The following APC variants were observed in gnomAD, a reference collection of about 807,000 sequenced individuals.
The protein encoded by APC is APC regulator of Wnt signaling pathway.
In APC, 72 loss-of-function variants were observed where a neutral mutation model predicts 247.0. The ratio of observed to expected loss-of-function variants is 0.29; its 90% CI spans 0.24 to 0.35. The LOEUF is 0.35. Ranked by LOEUF, APC falls within the 10% of genes least tolerant of loss-of-function variation. The probability of loss-of-function intolerance (pLI) is 1.00; values close to 1 mark genes in which losing one functional copy is unlikely to be tolerated. For synonymous variants in APC, 1,254 were observed against 1,162.5 expected (o/e 1.08, Z -1.60); for missense variants, 3,400 against 3,360.7 (o/e 1.01, Z -0.29).
At chr5:112,799,611 A>C (rs961781279) in intron 7 of APC, among the ~76,000 whole-genome samples, 1 of 152,196 alleles carries the variant, frequency 6.6e-6, no homozygotes, top group Non-Finnish European at 1.5e-5. Flanking sequence ...TTGCAACTTT[A>C]TCCATTAATA....
chr5:112,774,262 C>T (rs1260293810), intron 4 of APC, among the ~76,000 whole-genome samples: 2 of 152,034 alleles, frequency 1.3e-5, no homozygotes, highest in Non-Finnish European at 2.9e-5. Context: ...CATCCCAAAT[C>T]TGGAAATAGA....
At chr5:112,733,756 T>C (rs1752215586), upstream of APC, among the ~76,000 whole-genome samples, 1 of 152,172 alleles carries the variant, frequency 6.6e-6, no homozygotes, top group African/African-American at 2.4e-5. Flanking sequence ...TTAATACGCC[T>C]AGGAACTATT....
intron 8 of APC, among the ~76,000 whole-genome samples, chr5:112,809,019 G>A (rs1761708925): frequency 6.6e-6 from 1 of 152,098 alleles, no homozygotes; most frequent in African/African-American, 2.4e-5. Flanking sequence ...TTGGAAAAAT[G>A]TTAAGTTTAA....
chr5:112,734,790 TGTG>T (rs796632349), upstream of APC, among the ~76,000 whole-genome samples: 8 of 116,222 alleles, frequency 6.9e-5, no homozygotes, highest in South Asian at 1.3e-3. Flanking sequence ...TGTGTGTGTG[TGTG>T]TTTTTTTTTT....
chr5:112,737,782 C>T, upstream of APC: 1 of 931,330 alleles, frequency 1.1e-6, no homozygotes, highest in Non-Finnish European at 1.3e-6. Context: ...CCGCTGGATG[C>T]GGACCAGGGC....
chr5:112,750,456 T>C (rs1020633717), intron 1 of APC, among the ~76,000 whole-genome samples: 1 of 147,378 alleles, frequency 6.8e-6, no homozygotes, highest in Non-Finnish European at 1.5e-5. Flanking sequence ...ATGAGCATTC[T>C]TTTTTTTTTT....
rs74639338 is a variant in APC, at chr5:112,774,963, G to A, written c.423-666G>A. Among the ~76,000 whole-genome samples the A allele has an allele frequency of 0.027, 4,048 of 152,246 alleles. 143 individuals carry two copies. Among genetic ancestry groups the A allele is most frequent in the East Asian group, 0.13 (683 of 5,172 alleles). ...GCTCTGGCAAAGAGCCACGTGAAAA[G>A]AGATAAATTATATACTTTTTGTACC... On this transcript the variant is annotated intron_variant, in intron 4 of 15. Transcript: ENST00000257430.
intron 1 of APC, among the ~76,000 whole-genome samples, chr5:112,749,925 A>T (rs1459347289): frequency 2.6e-4 from 37 of 143,456 alleles, no homozygotes; most frequent in African/African-American, 8.3e-4. Flanking sequence ...TTTTTTTTTT[A>T]AATCCAACTT....
intron 6 of APC, among the ~76,000 whole-genome samples, chr5:112,782,110 A>G (rs938235675): frequency 6.6e-6 from 1 of 152,240 alleles, no homozygotes; most frequent in African/African-American, 2.4e-5. Context: ...GGGACTTAAC[A>G]GTTCTACGTG....
At chr5:112,777,011 A>C (rs1374134495) in intron 5 of APC, among the ~76,000 whole-genome samples, 1 of 152,214 alleles carries the variant, frequency 6.6e-6, no homozygotes, top group Non-Finnish European at 1.5e-5. Context: ...GAAATTTTGC[A>C]AACCATTGCA....
chr5:112,831,542 TCTC>T (rs1414181472), intron 14 of APC, among the ~76,000 whole-genome samples: 1 of 152,204 alleles, frequency 6.6e-6, no homozygotes, highest in East Asian at 1.9e-4. Context: ...ACATTCTTCT[TCTC>T]TTTTTCATTC....
In APC at chr5:112,842,265, T is replaced by C. The variant is rs1766272028; in HGVS notation, c.6671T>C (p.Ile2224Thr). The part of the protein sequence containing the change: ...KQPLQANMPS[I>T]SRGRTMIHIP... ...CCCCTTCAAGCAAACATGCCTTCAA[T>C]CTCTCGAGGCAGGACAATGATTCAT... is the stretch of plus-strand genomic sequence containing the variant. The change falls in exon 16 of 16, where the codon ATC (isoleucine) becomes ACC (threonine). Residue 2224 changes from isoleucine to threonine, a missense_variant. Ile to Thr is a moderately conservative substitution (Grantham distance 89, BLOSUM62 -1). Around this residue, in one of 9 missense-constraint regions of APC, gnomAD observed 1,788 missense variants for 1,649.5 expected, o/e 1.08. Transcript: ENST00000257430. The C allele has an allele frequency of 1.2e-6, 2 of 1,613,986 alleles. No individual in the cohort carries two copies. The highest frequency in any genetic ancestry group is 1.7e-6 in the Non-Finnish European group (2 of 1,179,912).
At chr5:112,781,611 A>G (rs1038613914) in intron 6 of APC, among the ~76,000 whole-genome samples, 7 of 152,204 alleles carry the variant, frequency 4.6e-5, no homozygotes, top group African/African-American at 1.7e-4. Context: ...ATAGCAAATA[A>G]AAGCAGAGAC....
At chr5:112,766,777 G>C (rs937155039) in intron 3 of APC, among the ~76,000 whole-genome samples, 2 of 152,134 alleles carry the variant, frequency 1.3e-5, no homozygotes, top group African/African-American at 4.8e-5. Context: ...CTTCATTCAG[G>C]ATAGAAATAC....
chr5:112,840,123 G>A lies in APC; in HGVS notation c.4529G>A (p.Ser1510Asn), dbSNP rs1765702795. The A allele has an allele frequency of 6.2e-7, 1 of 1,613,956 alleles. No homozygotes were observed. Among genetic ancestry groups the A allele is most frequent in the African/African-American group, 1.3e-5 (1 of 74,890 alleles). ...TGTTCATCCAGCCTGAGTGCTCTGA[G>A]CCTCGATGAGCCATTTATACAGAAA... Reference protein sequence around the residue: ...FSCSSSLSALSLDEPFIQKDV... With the variant: ...FSCSSSLSALNLDEPFIQKDV... Residue 1510 changes from serine to asparagine, a missense_variant, in exon 16 of 16, where the codon AGC (serine) becomes AAC (asparagine). By Grantham distance (46) the Ser-to-Asn change is conservative. Transcript: ENST00000257430. The surrounding 1 kb of genome is among the most constrained non-coding windows in gnomAD (Gnocchi z 4.1).
chr5:112,742,429 G>A (rs1433226074), intron 1 of APC, among the ~76,000 whole-genome samples: 2 of 152,214 alleles, frequency 1.3e-5, no homozygotes, highest in African/African-American at 4.8e-5. Context: ...TGTGGGGCAA[G>A]AATTCAGGAA....
At chr5:112,777,370 C>T (rs1445374346) in intron 5 of APC, among the ~76,000 whole-genome samples, 1 of 152,010 alleles carries the variant, frequency 6.6e-6, no homozygotes, top group African/African-American at 2.4e-5. Flanking sequence ...GGAAATTTCC[C>T]CTAATATATT....
At chr5:112,749,212 G>A (rs1754016127) in intron 1 of APC, among the ~76,000 whole-genome samples, 2 of 151,894 alleles carry the variant, frequency 1.3e-5, no homozygotes, top group Admixed American at 1.3e-4. Context: ...TGATAATCTC[G>A]TTTAGATTTT....
chr5:112,804,675 G>A (rs1482397620), intron 8 of APC, among the ~76,000 whole-genome samples: 2 of 152,170 alleles, frequency 1.3e-5, no homozygotes, highest in Admixed American at 6.5e-5. Flanking sequence ...ACTGCGCCCG[G>A]CCAATTACAA....
Sources: allele counts gnomAD v4.1 joint callset (sites outside exome capture counted in the v4.1 genomes callset), GRCh38; gene constraint gnomAD v4.1.1; regional missense constraint gnomAD v4.1.1; non-coding constraint Gnocchi (gnomAD v3.1); transcripts MANE v1.5; gene names NCBI Gene and HGNC (gene_info 2026-07-23, HGNC 2026-07-21).